Variants in MCC observed in about 807,000 individuals in gnomAD.
MCC encodes colorectal mutant cancer protein.
Under a neutral mutation model 116.2 loss-of-function variants are expected in MCC, and 90 were observed. The observed-to-expected ratio is 0.77, with a 90% confidence interval of 0.65 to 0.92. The LOEUF (loss-of-function observed/expected upper bound fraction) is 0.92, where lower values mean the gene tolerates loss of function less well. Among genes scored for constraint, MCC ranks in the 40% least tolerant of loss-of-function variants. MCC has a pLI of 0.00. For synonymous variants in MCC, 578 were observed against 510.5 expected (o/e 1.13, Z -1.78); for missense variants, 1,516 against 1,312.2 (o/e 1.16, Z -2.40).
intron 3 of MCC, among the ~76,000 whole-genome samples, chr5:113,203,556 T>C (rs968311079): frequency 3.3e-5 from 5 of 152,036 alleles, no homozygotes; most frequent in Non-Finnish European, 7.3e-5. Flanking sequence ...CCCGAGCGCA[T>C]ACTATTTACA....
At chr5:113,391,402 T>C (rs1013573096) in intron 1 of MCC, among the ~76,000 whole-genome samples, 6 of 152,100 alleles carry the variant, frequency 3.9e-5, no homozygotes, top group Non-Finnish European at 8.8e-5. Context: ...TAGCATGGAA[T>C]AAGGAGATAT....
At chr5:113,187,641 G>C (rs1298451693) in intron 3 of MCC, among the ~76,000 whole-genome samples, 1 of 151,782 alleles carries the variant, frequency 6.6e-6, no homozygotes, top group Non-Finnish European at 1.5e-5. Flanking sequence ...TGTAGTCCCA[G>C]CTACTTGGGA....
At chr5:113,301,518 T>A (rs1432483513) in intron 3 of MCC, among the ~76,000 whole-genome samples, 1 of 151,658 alleles carries the variant, frequency 6.6e-6, no homozygotes, top group Non-Finnish European at 1.5e-5. Flanking sequence ...TGAAATTCCA[T>A]CTCAAAGAAA....
At chr5:113,386,018 C>T (rs775773992) in intron 1 of MCC, among the ~76,000 whole-genome samples, 1 of 152,120 alleles carries the variant, frequency 6.6e-6, no homozygotes, top group Non-Finnish European at 1.5e-5. Context: ...CCTATGCTGA[C>T]CAAGAACATT....
At position 113,043,635 on chromosome 5, in the gene MCC, C is replaced by G. The variant is rs766814454; in HGVS notation, c.2656-5G>C. The G allele has an allele frequency of 1.2e-6, 2 of 1,601,884 alleles. No homozygotes were observed. The highest frequency in any genetic ancestry group is 2.2e-5 in the South Asian group (2 of 90,750). On this transcript the variant is annotated splice_region_variant and splice_polypyrimidine_tract_variant and intron_variant, in intron 16 of 18. Transcript: ENST00000408903. ...GGAGGCAGCATCAGCACACTCCTGA[C>G]AACAGCAAACACATTCCAGTTAGGC...
chr5:113,115,720 C>T (rs1757356100), intron 6 of MCC, among the ~76,000 whole-genome samples: 1 of 152,014 alleles, frequency 6.6e-6, no homozygotes, highest in African/African-American at 2.4e-5. Flanking sequence ...AGTTCTGTTT[C>T]ACACATATGT....
At chr5:113,070,194 T>A (rs1461504781) in intron 12 of MCC, among the ~76,000 whole-genome samples, 1 of 152,230 alleles carries the variant, frequency 6.6e-6, no homozygotes, top group Non-Finnish European at 1.5e-5. Context: ...ATTTCCTGAA[T>A]AAACAAGAAT....
chr5:113,169,996 G>A (rs1286403626), intron 3 of MCC, among the ~76,000 whole-genome samples: 1 of 152,214 alleles, frequency 6.6e-6, no homozygotes, highest in South Asian at 2.1e-4. Flanking sequence ...TCTGGGGATG[G>A]CAAGTACATG....
intron 3 of MCC, among the ~76,000 whole-genome samples, chr5:113,319,863 G>A (rs533582210): frequency 1.3e-5 from 2 of 152,308 alleles, no homozygotes; most frequent in Admixed American, 1.3e-4. Context: ...GGAGAAGACC[G>A]GCTGGAAGTT....
Position 113,075,120 on chromosome 5 carries a change from C to T in MCC, c.1785-3886G>A, listed in dbSNP as rs1010033438. Among the ~76,000 whole-genome samples, 9 of 152,360 alleles carry T rather than the reference C, an allele frequency of 5.9e-5. No individual in the cohort carries two copies. The South Asian group carries it at 1.2e-3, about 21-fold the overall frequency. ...AGCTCAGCATGGGCTCACCAGGCCC[C>T]GCACTTGGAGCAGCCGGCTGGTGCC... is the stretch of plus-strand genomic sequence containing the variant. On this transcript the variant is annotated intron_variant, in intron 11 of 18. Transcript: ENST00000408903.
chr5:113,130,718 C>G (rs1581123745), intron 5 of MCC, among the ~76,000 whole-genome samples: 1 of 152,214 alleles, frequency 6.6e-6, no homozygotes, highest in East Asian at 1.9e-4. Context: ...CACATCATCC[C>G]TCTCAGGCCA....
At chr5:113,051,675 G>A (rs944551579) in intron 15 of MCC, among the ~76,000 whole-genome samples, 2 of 152,178 alleles carry the variant, frequency 1.3e-5, no homozygotes, top group Non-Finnish European at 2.9e-5. Context: ...AGTGAGCCAT[G>A]ACTGTGTCAC....
intron 1 of MCC, among the ~76,000 whole-genome samples, chr5:113,394,517 G>C (rs1769478138): frequency 6.6e-6 from 1 of 152,140 alleles, no homozygotes; most frequent in Admixed American, 6.5e-5. Flanking sequence ...GAAGTAGGTA[G>C]CCTTCATTCC....
chr5:113,080,828 GA>G (rs1275452300), intron 11 of MCC, among the ~76,000 whole-genome samples: 1 of 139,378 alleles, frequency 7.2e-6, no homozygotes, highest in Non-Finnish European at 1.5e-5. Flanking sequence ...AAAAAAAAAA[GA>G]AAAGAAAAAA....
At position 113,027,092 on chromosome 5, in the gene MCC, G is replaced by C. The variant is rs1296201290; in HGVS notation, c.*210C>G. On this transcript the variant is annotated 3_prime_UTR_variant, in exon 19 of 19. Transcript: ENST00000408903. Reference sequence around the variant, plus strand: ...TTTACACGCTGTTGTGGGCCCAGGAGGGAAGAGCGGGCACCTCTGGATACA... The same window carrying C: ...TTTACACGCTGTTGTGGGCCCAGGACGGAAGAGCGGGCACCTCTGGATACA... 5.3e-6 allele frequency: 3 copies of C among 567,920 alleles called. No individual in the cohort carries two copies. Among genetic ancestry groups the C allele is most frequent in the African/African-American group, 1.9e-5 (1 of 53,036 alleles). 35.2% of individuals were successfully genotyped at this position (567,920 alleles called of 1,614,324 possible).
chr5:113,338,965 T>A (rs1432151246), intron 3 of MCC, among the ~76,000 whole-genome samples: 1 of 152,194 alleles, frequency 6.6e-6, no homozygotes, highest in South Asian at 2.1e-4. Flanking sequence ...ATAAATTTTT[T>A]ATTTTATAAT....
intron 1 of MCC, among the ~76,000 whole-genome samples, chr5:113,416,103 T>G (rs551033029): frequency 6.6e-6 from 1 of 152,316 alleles, no homozygotes; most frequent in African/African-American, 2.4e-5. Flanking sequence ...CAGCAGAGGC[T>G]CAGTTGGAAA....
chr5:113,066,872 T>C (rs148201293), intron 13 of MCC, among the ~76,000 whole-genome samples: 2 of 152,298 alleles, frequency 1.3e-5, no homozygotes, highest in East Asian at 3.9e-4. Context: ...ACACCATCCA[T>C]CTTTGGCTCT....
chr5:113,482,072 C>G (rs1772394952), intron 1 of MCC, among the ~76,000 whole-genome samples: 1 of 152,124 alleles, frequency 6.6e-6, no homozygotes, highest in Non-Finnish European at 1.5e-5. Context: ...AAGGTTCATC[C>G]TTGTTATAGC....
Sources: gnomAD v4.1 joint callset for allele counts (sites outside exome capture counted in the v4.1 genomes callset) on GRCh38, gnomAD v4.1.1 for gene constraint, MANE v1.5 for transcripts, NCBI Gene and HGNC (gene_info 2026-07-23, HGNC 2026-07-21) for gene names.